Variants in PDCD1LG2 observed in about 807,000 individuals in gnomAD.
PDCD1LG2 encodes the protein B7 dendritic cell molecule.
A neutral mutation model predicts 28.2 loss-of-function variants in PDCD1LG2; 32 were observed. The observed-to-expected ratio is 1.13, with a 90% CI of 0.86 to 1.52. PDCD1LG2 has a LOEUF of 1.52. PDCD1LG2 is among the 40% of genes most tolerant of loss of function. PDCD1LG2 has a pLI of 0.00. For synonymous variants in PDCD1LG2, 116 were observed against 120.2 expected (o/e 0.97, Z 0.23); for missense variants, 385 against 323.8 (o/e 1.19, Z -1.45).
intron 2 of PDCD1LG2, among the ~76,000 whole-genome samples, chr9:5,531,390 G>A (rs1820481609): frequency 6.6e-6 from 1 of 152,086 alleles, no homozygotes; most frequent in South Asian, 2.1e-4. Context: ...ACTTTACTTG[G>A]GGCAAAATTA....
Position 5,510,644 on chromosome 9 carries a change from A to G in PDCD1LG2, c.-174A>G, listed in dbSNP as rs16923189. On this transcript the variant is annotated 5_prime_UTR_variant, in exon 1 of 7. Coordinates refer to ENST00000397747, the MANE Select transcript of PDCD1LG2 (RefSeq NM_025239.4). Reference sequence around the variant, plus strand: ...TTACCCATCCTCATATGTCCCAGCTAGAAAGAATCCTGGGTTGGAGCTACT... The same window carrying G: ...TTACCCATCCTCATATGTCCCAGCTGGAAAGAATCCTGGGTTGGAGCTACT... The G allele has an allele frequency of 0.28, 42,678 of 152,592 alleles. 6,207 individuals carry two copies. The highest frequency in any genetic ancestry group is 0.36 in the Admixed American group (5,514 of 15,288). 9.5% of individuals were successfully genotyped at this position (152,592 alleles called of 1,614,324 possible).
chr9:5,557,853 C>A (rs1586818626), intron 5 of PDCD1LG2, 101 bp downstream of exon 5: 2 of 1,421,474 alleles, frequency 1.4e-6, no homozygotes, highest in Non-Finnish European at 9.8e-7. Context: ...TCATGCTAAA[C>A]CCACTCAGAG....
chr9:5,556,287 A>G (rs1816440696), intron 4 of PDCD1LG2, among the ~76,000 whole-genome samples: 1 of 152,202 alleles, frequency 6.6e-6, no homozygotes, highest in Non-Finnish European at 1.5e-5. Context: ...TCCTTGACTC[A>G]CAAAGTGCTT....
At chr9:5,544,759 C>A (rs1820759871) in intron 3 of PDCD1LG2, among the ~76,000 whole-genome samples, 1 of 152,116 alleles carries the variant, frequency 6.6e-6, no homozygotes, top group South Asian at 2.1e-4. Context: ...AACTTGGAGA[C>A]AATCTCCAAG....
intron 5 of PDCD1LG2, 35 bp downstream of exon 5, chr9:5,557,787 T>C (rs767145980): frequency 2.5e-6 from 4 of 1,611,454 alleles, no homozygotes; most frequent in African/African-American, 2.7e-5. Context: ...CCCAATGCAC[T>C]GGGTGTCTGC....
intron 4 of PDCD1LG2, among the ~76,000 whole-genome samples, chr9:5,556,677 C>T (rs12344984): frequency 0.018 from 2,710 of 152,256 alleles, 77 homozygotes; most frequent in African/African-American, 0.061. Context: ...GAGCCCTTCC[C>T]GCTGAGCAGT....
At chr9:5,540,488 A>G (rs1389129946) in intron 3 of PDCD1LG2, among the ~76,000 whole-genome samples, 1 of 152,160 alleles carries the variant, frequency 6.6e-6, no homozygotes, top group African/African-American at 2.4e-5. Flanking sequence ...CCAAGAAAAG[A>G]AGAGAGAAGA....
At chr9:5,516,753 CTGGCCGGGTTGTGACAGCACCTAGGCT>C (rs1820173170) in intron 1 of PDCD1LG2, among the ~76,000 whole-genome samples, 2 of 152,252 alleles carry the variant, frequency 1.3e-5, no homozygotes, top group Admixed American at 1.3e-4. Context: ...ACCCACATGC[CTGGCCGGGTTGTGACAGCACCTAGGCT>C]TGGCCACAAC....
chr9:5,526,219 A>G (rs1820376817), intron 2 of PDCD1LG2, among the ~76,000 whole-genome samples: 1 of 152,196 alleles, frequency 6.6e-6, no homozygotes, highest in Admixed American at 6.5e-5. Context: ...ATTTATTTAA[A>G]GCTTTCTGTT....
At chr9:5,518,964 G>C (rs946971445) in intron 1 of PDCD1LG2, among the ~76,000 whole-genome samples, 6 of 152,100 alleles carry the variant, frequency 3.9e-5, no homozygotes, top group African/African-American at 1.4e-4. Context: ...GTATGGTGAG[G>C]CCAATATATC....
chr9:5,532,615 T>A (rs976489110), intron 2 of PDCD1LG2, among the ~76,000 whole-genome samples: 1 of 152,138 alleles, frequency 6.6e-6, no homozygotes, highest in Non-Finnish European at 1.5e-5. Context: ...TGCAGGATAG[T>A]GGGAAGAAAA....
At chr9:5,564,034 C>A (rs532870358) in intron 6 of PDCD1LG2, among the ~76,000 whole-genome samples, 18 of 152,310 alleles carry the variant, frequency 1.2e-4, no homozygotes, top group African/African-American at 4.1e-4. Flanking sequence ...CAAGATGACA[C>A]ATAAAATTAA....
rs932901307 is a variant in PDCD1LG2, at chr9:5,521,741, G to A, written c.-14-792G>A. 2.0e-5 allele frequency among the ~76,000 whole-genome samples: 3 copies of A among 152,178 alleles called. No homozygotes were observed. In the East Asian group the frequency reaches 5.8e-4, roughly 29 times the overall value. On this transcript the variant is annotated intron_variant, in intron 1 of 6. Transcript: ENST00000397747. ...CTGCTGTTGCCTGATTTAGATGTAT[G>A]GCTCCAACAGATTTCCCCTGAAGAA...
intron 5 of PDCD1LG2, among the ~76,000 whole-genome samples, chr9:5,562,488 GGA>G (rs1816583587): frequency 6.6e-6 from 1 of 152,158 alleles, no homozygotes; most frequent in Non-Finnish European, 1.5e-5. Flanking sequence ...AGACTCAGAA[GGA>G]GAGAGTAGGG....
chr9:5,515,227 A>G (rs1820134468), intron 1 of PDCD1LG2, among the ~76,000 whole-genome samples: 1 of 152,246 alleles, frequency 6.6e-6, no homozygotes. Context: ...GAAAATGGAT[A>G]GCCACATAGG....
At chr9:5,542,352 A>G (rs559063291) in intron 3 of PDCD1LG2, among the ~76,000 whole-genome samples, 1 of 149,004 alleles carries the variant, frequency 6.7e-6, no homozygotes, top group South Asian at 2.1e-4. Flanking sequence ...TAATTAAACT[A>G]AAAAGCTTCT....
chr9:5,544,524 G>A (rs932746136), intron 3 of PDCD1LG2, among the ~76,000 whole-genome samples: 1 of 152,154 alleles, frequency 6.6e-6, no homozygotes, highest in African/African-American at 2.4e-5. Context: ...CACGTTCCTA[G>A]GCTATACAGG....
At position 5,534,989 on chromosome 9, in the gene PDCD1LG2, C is replaced by T. The variant is rs747508512; in HGVS notation, c.300C>T (p.Tyr100=). Residue 100 remains tyrosine (Y), a synonymous_variant, in exon 3 of 7, where the codon TAC becomes TAT. Transcript: ENST00000397747. ...PQVQVRDEGQ[Y]QCIIIYGVAW... The stretch of plus-strand genomic sequence containing the variant: ...TCCAAGTGAGGGACGAAGGACAGTA[C>T]CAATGCATAATCATCTATGGGGTCG... 2.2e-5 allele frequency: 35 copies of T among 1,614,086 alleles called. No homozygotes were observed. Among genetic ancestry groups the T allele is most frequent in the Non-Finnish European group, 2.9e-5 (34 of 1,180,004 alleles).
chr9:5,557,878 T>C, intron 5 of PDCD1LG2, 126 bp downstream of exon 5: 4 of 1,178,008 alleles, frequency 3.4e-6, no homozygotes, highest in Non-Finnish European at 4.8e-6. Context: ...TGAACCACTT[T>C]GAGCTTGTCT....
Sources: gnomAD v4.1 joint callset for allele counts (sites outside exome capture counted in the v4.1 genomes callset) on GRCh38, gnomAD v4.1.1 for gene constraint, MANE v1.5 for transcripts, NCBI Gene and HGNC (gene_info 2026-07-23, HGNC 2026-07-21) for gene names.